The following VDAC2 variants were observed in gnomAD, a reference collection of about 807,000 sequenced individuals.
VDAC2 encodes non-selective voltage-gated ion channel VDAC2.
In VDAC2, 6 loss-of-function variants were observed where a neutral mutation model predicts 36.6. The observed-to-expected ratio is 0.16, with a 90% CI of 0.09 to 0.32. The LOEUF (loss-of-function observed/expected upper bound fraction) is 0.32. Among genes scored for constraint, VDAC2 ranks in the 10% least tolerant of loss-of-function variants. The probability of loss-of-function intolerance (pLI) is 1.00; values close to 1 mark genes in which losing one functional copy is unlikely to be tolerated. For missense variants in VDAC2, 247 were observed against 346.0 expected, an observed-to-expected ratio of 0.71 and a Z score of 2.27; for synonymous variants, 109 against 123.8, an observed-to-expected ratio of 0.88 and a Z score of 0.79.
intron 8 of VDAC2, among the ~76,000 whole-genome samples, chr10:75,225,592 T>C (rs1172185258): frequency 1.3e-5 from 2 of 152,204 alleles, no homozygotes; most frequent in African/African-American, 4.8e-5. Context: ...AGTAACACTT[T>C]AGATATTTGC....
At chr10:75,222,190 C>A in intron 7 of VDAC2, 62 bp from the exon 8 acceptor site, 1 of 1,484,646 alleles carries the variant, frequency 6.7e-7, no homozygotes, top group Non-Finnish European at 9.2e-7. Flanking sequence ...TACAAATCAG[C>A]CTGTGCCTTA....
intron 3 of VDAC2, among the ~76,000 whole-genome samples, chr10:75,213,092 T>C (rs1032558881): frequency 1.3e-5 from 2 of 152,180 alleles, no homozygotes; most frequent in Non-Finnish European, 2.9e-5. Context: ...TTTTTGTTTT[T>C]TTTTGAGACG....
At chr10:75,210,967 C>G (rs1841394018) in intron 1 of VDAC2, 29 bp downstream of exon 1, 2 of 523,784 alleles carry the variant, frequency 3.8e-6, no homozygotes, top group South Asian at 7.0e-5. Context: ...CACGCCGACC[C>G]AGGGGCCTAG....
intron 3 of VDAC2, among the ~76,000 whole-genome samples, chr10:75,213,459 T>C (rs908480575): frequency 6.6e-6 from 1 of 152,168 alleles, no homozygotes; most frequent in Non-Finnish European, 1.5e-5. Context: ...AAGAATAGTT[T>C]GGGGGCTGGG....
chr10:75,225,990 G>A (rs1265712503), intron 8 of VDAC2, among the ~76,000 whole-genome samples: 6 of 151,900 alleles, frequency 3.9e-5, no homozygotes, highest in South Asian at 2.1e-4. Context: ...ATGAGGTTTC[G>A]CCGTGTTGGC....
chr10:75,214,124 T>C lies in VDAC2; in HGVS notation c.150+54T>C, dbSNP rs1841524222. The stretch of plus-strand genomic sequence containing the variant: ...TGAACCTTTATAATTTTTCAACTTG[T>C]AAAATGGTCATAACTGAAAGATGTC... On this transcript the variant is annotated intron_variant, in intron 4 of 9. Transcript: ENST00000332211. 5 of 1,566,186 alleles carry C rather than the reference T, an allele frequency of 3.2e-6. No homozygotes were observed. In the South Asian group the frequency reaches 5.6e-5, roughly 18 times the overall value.
intron 2 of VDAC2, chr10:75,211,598 T>G (rs1841424759): frequency 6.4e-7 from 1 of 1,550,554 alleles, no homozygotes; most frequent in Non-Finnish European, 8.7e-7. Context: ...GCTGGTGTAA[T>G]GAGCTCAGAT....
Position 75,210,989 on chromosome 10 carries a change from C to T in VDAC2, c.-26+51C>T, listed in dbSNP as rs1430690096. The T allele has an allele frequency of 6.9e-6, 5 of 729,150 alleles. 1 individual carries two copies. The Admixed American group carries it at 1.2e-4, about 17-fold the overall frequency. 45.2% of individuals were successfully genotyped at this position (729,150 alleles called of 1,614,324 possible). A position where few individuals can be genotyped will look rare whatever the true frequency, so the allele number is the denominator to read the frequency against. ...ACCCAGGGGCCTAGGCCGCGGCGGCCAAGCCGGAGGCCCGCGCCGGACTCG... is the reference window on the plus strand; with the variant it reads ...ACCCAGGGGCCTAGGCCGCGGCGGCTAAGCCGGAGGCCCGCGCCGGACTCG... On this transcript the variant is annotated intron_variant, in intron 1 of 9. Coordinates refer to ENST00000332211, the MANE Select transcript of VDAC2 (RefSeq NM_001391963.1).
Position 75,211,150 on chromosome 10 carries a change from G to T in VDAC2, c.-9G>T. On this transcript the variant is annotated 5_prime_UTR_variant, in exon 2 of 10. Transcript: ENST00000332211. ...CTCCCGCAGATTCCCCTCTTCCCGC[G>T]GCCTCGCCATGGCGACCCACGGACA... The T allele has an allele frequency of 1.9e-6, 3 of 1,611,254 alleles. No individual in the cohort carries two copies. The highest frequency in any genetic ancestry group is 2.5e-6 in the Non-Finnish European group (3 of 1,178,768).
In VDAC2 at chr10:75,219,404, T is replaced by C. The variant is rs748865057; in HGVS notation, c.356+48T>C. 47 of 1,464,342 alleles carry C rather than the reference T, an allele frequency of 3.2e-5. 1 individual carries two copies. The South Asian group carries it at 4.2e-4, about 13-fold the overall frequency. 90.7% of individuals were successfully genotyped at this position (1,464,342 alleles called of 1,614,324 possible). Reference sequence around the variant, plus strand: ...GTATTACATTTAAAAGTATTTCTCTTTTGTATATTTAGAAAAGGTGTACAT... The same window carrying C: ...GTATTACATTTAAAAGTATTTCTCTCTTGTATATTTAGAAAAGGTGTACAT... On this transcript the variant is annotated intron_variant, in intron 6 of 9. Transcript: ENST00000332211.
chr10:75,229,725 A>G, intron 9 of VDAC2, 24 bp downstream of exon 9: 1 of 1,567,788 alleles, frequency 6.4e-7, no homozygotes. Context: ...ATAAAGTAGG[A>G]TTGTTTTGAT....
intron 4 of VDAC2, chr10:75,218,376 A>G (rs1240768117): frequency 6.6e-6 from 1 of 152,298 alleles, no homozygotes; most frequent in East Asian, 1.9e-4. Flanking sequence ...GCTGGTATCT[A>G]AGTGCTGGGA....
chr10:75,227,577 ATTTT>A (rs35378957), intron 8 of VDAC2, among the ~76,000 whole-genome samples: 6 of 99,922 alleles, frequency 6.0e-5, no homozygotes, highest in African/African-American at 2.7e-4. Context: ...AATAATAGGA[ATTTT>A]TTTTTTTTTT....
chr10:75,230,526 A>G (rs1225428472), intron 9 of VDAC2, among the ~76,000 whole-genome samples: 1 of 152,202 alleles, frequency 6.6e-6, no homozygotes, highest in Non-Finnish European at 1.5e-5. Flanking sequence ...TACCAAATAC[A>G]TATTCAGATT....
intron 3 of VDAC2, 108 bp from the exon 4 acceptor site, chr10:75,213,913 A>T: frequency 9.5e-7 from 1 of 1,052,032 alleles, no homozygotes; most frequent in Non-Finnish European, 1.4e-6. Context: ...ATTTTTATCC[A>T]CCTCTGAATA....
In VDAC2 at chr10:75,222,372, A is replaced by C. The variant is rs749887301; in HGVS notation, c.705A>C (p.Lys235Asn). Residue 235 changes from lysine to asparagine, a missense_variant, in exon 8 of 10, where the codon AAA becomes AAC. Around this residue, in one of 3 missense-constraint regions of VDAC2, gnomAD observed 159 missense variants for 234.0 expected, o/e 0.68. Coordinates refer to ENST00000332211, the MANE Select transcript of VDAC2 (RefSeq NM_001391963.1). The part of the protein sequence containing the change: ...TNCTRFGIAA[K>N]YQLDPTASIS... ...GCACTCGTTTTGGCATTGCAGCTAA[A>C]TATCAGTTGGATCCCACTGCTTCCA... The C allele has an allele frequency of 3.1e-6, 5 of 1,614,204 alleles. No individual in the cohort carries two copies. The highest frequency in any genetic ancestry group is 2.5e-6 in the Non-Finnish European group (3 of 1,180,024).
At chr10:75,228,377 C>G (rs10824292) in intron 8 of VDAC2, among the ~76,000 whole-genome samples, 1 of 151,968 alleles carries the variant, frequency 6.6e-6, no homozygotes, top group African/African-American at 2.4e-5. Flanking sequence ...CCACTCACCC[C>G]CCACTTCCCT....
At chr10:75,225,908 T>C (rs1841939028) in intron 8 of VDAC2, among the ~76,000 whole-genome samples, 1 of 152,156 alleles carries the variant, frequency 6.6e-6, no homozygotes, top group South Asian at 2.1e-4. Context: ...TTCTTGTGCC[T>C]CAGTCTCCTG....
At chr10:75,214,182 T>A in intron 4 of VDAC2, 112 bp downstream of exon 4, 1 of 1,145,554 alleles carries the variant, frequency 8.7e-7, no homozygotes, top group Non-Finnish European at 1.3e-6. Context: ...AGGCAGAAGT[T>A]AACTTTGTTT....
Sources: gnomAD v4.1 joint callset for allele counts (sites outside exome capture counted in the v4.1 genomes callset) on GRCh38, gnomAD v4.1.1 for gene constraint, gnomAD v4.1.1 regional missense constraint, MANE v1.5 for transcripts, NCBI Gene and HGNC (gene_info 2026-07-23, HGNC 2026-07-21) for gene names.